The following NTM variants were observed in gnomAD, a reference collection of about 807,000 sequenced individuals.
NTM encodes the protein IgLON family member 2.
In NTM, 13 loss-of-function variants were observed where a neutral mutation model predicts 42.1. The observed-to-expected ratio is 0.31, with a 90% CI of 0.20 to 0.49. The LOEUF is 0.49. Ranked by LOEUF, NTM falls within the 20% of genes least tolerant of loss-of-function variation. The probability of loss-of-function intolerance (pLI) is 0.99; values close to 1 mark genes in which losing one functional copy is unlikely to be tolerated. For missense variants in NTM, 373 were observed against 452.8 expected, an observed-to-expected ratio of 0.82 and a Z score of 1.60; for synonymous variants, 187 against 179.2, an observed-to-expected ratio of 1.04 and a Z score of -0.35.
intron 3 of NTM, among the ~76,000 whole-genome samples, chr11:132,158,468 T>A (rs1250186790): frequency 6.6e-6 from 1 of 152,242 alleles, no homozygotes; most frequent in Non-Finnish European, 1.5e-5. Context: ...ACTCACCTAT[T>A]GGCATAATGG....
At chr11:131,644,102 G>T (rs2065472171) in intron 1 of NTM, among the ~76,000 whole-genome samples, 1 of 152,168 alleles carries the variant, frequency 6.6e-6, no homozygotes. Flanking sequence ...TCGGCTGAAT[G>T]TGCAGGAGGT....
At chr11:132,241,381 G>A (rs764280617) in intron 4 of NTM, among the ~76,000 whole-genome samples, 18 of 152,050 alleles carry the variant, frequency 1.2e-4, no homozygotes, top group East Asian at 1.9e-4. Flanking sequence ...CAATTTAACC[G>A]TTTTTACTGA....
chr11:132,166,428 A>C (rs1014544983), intron 3 of NTM, among the ~76,000 whole-genome samples: 9 of 152,168 alleles, frequency 5.9e-5, no homozygotes, highest in African/African-American at 2.2e-4. Context: ...ATTCTAAACT[A>C]CAAGGCTTAT....
intron 1 of NTM, among the ~76,000 whole-genome samples, chr11:131,478,936 A>C (rs1258090561): frequency 4.6e-5 from 7 of 152,200 alleles, no homozygotes; most frequent in African/African-American, 1.7e-4. Flanking sequence ...TTGGGAATAA[A>C]ATGTGGGTTC....
intron 1 of NTM, among the ~76,000 whole-genome samples, chr11:131,481,518 G>A (rs1248428080): frequency 1.3e-5 from 2 of 152,206 alleles, no homozygotes; most frequent in African/African-American, 4.8e-5. Context: ...TGTCTGATGT[G>A]GCCAGCAATG....
intron 5 of NTM, 23 bp downstream of exon 5, chr11:132,307,846 G>A (rs2305270): frequency 4.8e-5 from 77 of 1,610,624 alleles, no homozygotes; most frequent in Non-Finnish European, 5.9e-5. Context: ...ACCACCACGC[G>A]CCCTGCACGT....
At chr11:132,104,576 A>C (rs1342319986) in intron 2 of NTM, among the ~76,000 whole-genome samples, 48 of 139,600 alleles carry the variant, frequency 3.4e-4, no homozygotes, top group African/African-American at 1.0e-3. Flanking sequence ...ACATAGTGGG[A>C]CCCCCCCCCA....
At chr11:131,744,969 T>G (rs2081627250) in intron 1 of NTM, among the ~76,000 whole-genome samples, 1 of 152,170 alleles carries the variant, frequency 6.6e-6, no homozygotes. Context: ...ATGCAAGCAC[T>G]TTGAGTGCTG....
chr11:132,211,888 C>T (rs1310852997), intron 3 of NTM, 134 bp from the exon 4 acceptor site: 65 of 730,858 alleles, frequency 8.9e-5, no homozygotes, highest in Non-Finnish European at 1.0e-4. Flanking sequence ...TAAGGTAATT[C>T]CTCTAATTTC....
intron 8 of NTM, among the ~76,000 whole-genome samples, chr11:132,333,417 C>A (rs2095837357): frequency 6.6e-6 from 1 of 152,118 alleles, no homozygotes; most frequent in African/African-American, 2.4e-5. Flanking sequence ...CTGTAGATGA[C>A]AGAGTGAGCA....
At chr11:132,017,022 A>G (rs1010540462) in intron 2 of NTM, among the ~76,000 whole-genome samples, 91 of 151,940 alleles carry the variant, frequency 6.0e-4, no homozygotes, top group Non-Finnish European at 7.2e-4. Flanking sequence ...GAATTTTTAT[A>G]TATTCTGGAC....
intron 2 of NTM, among the ~76,000 whole-genome samples, chr11:131,948,145 A>C (rs2060548656): frequency 6.6e-6 from 1 of 152,022 alleles, no homozygotes; most frequent in African/African-American, 2.4e-5. Flanking sequence ...GCTGATCACG[A>C]GGTCAGGAGA....
At chr11:132,067,506 G>C (rs540131955) in intron 2 of NTM, among the ~76,000 whole-genome samples, 5 of 152,180 alleles carry the variant, frequency 3.3e-5, no homozygotes, top group Admixed American at 6.5e-5. Flanking sequence ...CTGTTCACTT[G>C]TTGACCTGTG....
intron 1 of NTM, among the ~76,000 whole-genome samples, chr11:131,792,074 G>A (rs912842791): frequency 6.6e-6 from 1 of 152,076 alleles, no homozygotes; most frequent in Non-Finnish European, 1.5e-5. Context: ...TCCTTACCCT[G>A]ATCTTTTCTG....
At chr11:132,045,428 C>T (rs1393534263) in intron 2 of NTM, among the ~76,000 whole-genome samples, 1 of 152,080 alleles carries the variant, frequency 6.6e-6, no homozygotes, top group African/African-American at 2.4e-5. Flanking sequence ...TAACATTTTT[C>T]CCATTGATTA....
At chr11:131,759,292 A>G (rs894422447) in intron 1 of NTM, among the ~76,000 whole-genome samples, 3 of 152,180 alleles carry the variant, frequency 2.0e-5, no homozygotes, top group African/African-American at 7.2e-5. Context: ...TGAGAAATTA[A>G]TTCCGTGTTC....
intron 1 of NTM, among the ~76,000 whole-genome samples, chr11:131,871,490 G>C (rs933475818): frequency 1.3e-5 from 2 of 152,216 alleles, no homozygotes; most frequent in African/African-American, 4.8e-5. Flanking sequence ...ATGACTGAAT[G>C]TTATTATAGT....
chr11:131,411,545 GT>G (rs1946420389), intron 1 of NTM, among the ~76,000 whole-genome samples: 1 of 36,854 alleles, frequency 2.7e-5, no homozygotes, highest in Non-Finnish European at 6.1e-5. Context: ...GGGGCCGTGT[GT>G]GTGTGTGTGT....
intron 1 of NTM, among the ~76,000 whole-genome samples, chr11:131,448,611 G>A: frequency 6.6e-6 from 1 of 152,238 alleles, no homozygotes; most frequent in East Asian, 1.9e-4. Flanking sequence ...ACAGTTCTCA[G>A]TCCATCAGTG....
Sources: gnomAD v4.1 joint callset for allele counts (sites outside exome capture counted in the v4.1 genomes callset) on GRCh38, gnomAD v4.1.1 for gene constraint, MANE v1.5 for transcripts, NCBI Gene and HGNC (gene_info 2026-07-23, HGNC 2026-07-21) for gene names.